The following BLTP3A variants were observed in gnomAD, a reference collection of about 807,000 sequenced individuals.
BLTP3A encodes bridge-like lipid transfer protein family member 3A.
chr6:34,830,438 A>T, the BLTP3A span, among the ~76,000 whole-genome samples: 2 of 152,024 alleles, frequency 1.3e-5, no homozygotes, highest in Admixed American at 6.6e-5. Context: ...AAAAATAAAA[A>T]AATTAGCTGG....
the BLTP3A span, chr6:34,855,549 A>C: frequency 6.3e-7 from 1 of 1,578,116 alleles, no homozygotes; most frequent in Non-Finnish European, 8.7e-7. Flanking sequence ...GGACTTCTGC[A>C]TGCTTTAGGT....
At chr6:34,818,930 CAT>C in the BLTP3A span, among the ~76,000 whole-genome samples, 3 of 152,156 alleles carry the variant, frequency 2.0e-5, no homozygotes, top group Admixed American at 2.0e-4. Context: ...AACACTAAAA[CAT>C]AGTTTAGTAA....
chr6:34,856,151 C>T, the BLTP3A span: 1 of 1,469,560 alleles, frequency 6.8e-7, no homozygotes, highest in African/African-American at 1.4e-5. Flanking sequence ...GAATCAGATT[C>T]TGAACTATGA....
At chr6:34,814,744 T>C in the BLTP3A span, among the ~76,000 whole-genome samples, 1 of 152,160 alleles carries the variant, frequency 6.6e-6, no homozygotes, top group Non-Finnish European at 1.5e-5. Context: ...TTTATTAATC[T>C]GGTTGAGTTG....
the BLTP3A span, among the ~76,000 whole-genome samples, chr6:34,795,008 C>T: frequency 2.0e-5 from 3 of 151,846 alleles, no homozygotes; most frequent in Admixed American, 6.6e-5. Context: ...AGGATGGTCT[C>T]GATCTCCTGA....
the BLTP3A span, among the ~76,000 whole-genome samples, chr6:34,854,554 CAT>C: frequency 6.6e-6 from 1 of 151,982 alleles, no homozygotes; most frequent in Non-Finnish European, 1.5e-5. Flanking sequence ...AGTATGTTAA[CAT>C]ATATATTTGT....
At chr6:34,805,096 C>G in the BLTP3A span, among the ~76,000 whole-genome samples, 3 of 151,870 alleles carry the variant, frequency 2.0e-5, no homozygotes, top group Non-Finnish European at 4.4e-5. Context: ...AAGTTCCAGA[C>G]CAGCCTGGGT....
the BLTP3A span, among the ~76,000 whole-genome samples, chr6:34,860,557 A>C: frequency 6.6e-6 from 1 of 152,208 alleles, no homozygotes; most frequent in Non-Finnish European, 1.5e-5. Context: ...TTGTATAATA[A>C]TACTAGCCAA....
the BLTP3A span, among the ~76,000 whole-genome samples, chr6:34,810,044 A>G: frequency 6.6e-6 from 1 of 152,202 alleles, no homozygotes; most frequent in Non-Finnish European, 1.5e-5. Context: ...TACTAAATCT[A>G]TGCATGCCAC....
At chr6:34,793,992 C>T in the BLTP3A span, among the ~76,000 whole-genome samples, 1 of 151,588 alleles carries the variant, frequency 6.6e-6, no homozygotes, top group African/African-American at 2.4e-5. Context: ...GAAACCCTGT[C>T]TCTACTAAAA....
the BLTP3A span, among the ~76,000 whole-genome samples, chr6:34,864,498 C>T: frequency 6.9e-6 from 1 of 145,036 alleles, no homozygotes; most frequent in South Asian, 2.2e-4. Flanking sequence ...TGGTTGGTAT[C>T]AGTGGTGTGA....
At chr6:34,858,004 A>C in the BLTP3A span, 1 of 1,560,588 alleles carries the variant, frequency 6.4e-7, no homozygotes, top group Non-Finnish European at 8.6e-7. Context: ...TGCTCTGTCC[A>C]TTTTGTGGAA....
chr6:34,812,926 A>G, the BLTP3A span, among the ~76,000 whole-genome samples: 1 of 152,340 alleles, frequency 6.6e-6, no homozygotes, highest in Middle Eastern at 3.4e-3. Flanking sequence ...GTGTTGTGTT[A>G]TATCTTTGTT....
the BLTP3A span, among the ~76,000 whole-genome samples, chr6:34,798,582 TTTTCTTTCTTTC>T: frequency 7.2e-6 from 1 of 139,220 alleles, no homozygotes; most frequent in Non-Finnish European, 1.6e-5. Context: ...GTATTTTTAA[TTTTCTTTCTTTC>T]TTTTTTTTTT....
the BLTP3A span, among the ~76,000 whole-genome samples, chr6:34,824,254 C>T: frequency 6.6e-6 from 1 of 152,018 alleles, no homozygotes; most frequent in African/African-American, 2.4e-5. Flanking sequence ...ATTAACAGGC[C>T]AGGCGCGGTG....
chr6:34,854,359 A>C, the BLTP3A span, among the ~76,000 whole-genome samples: 1 of 152,162 alleles, frequency 6.6e-6, no homozygotes, highest in Non-Finnish European at 1.5e-5. Flanking sequence ...AGACATTATA[A>C]TATATACATA....
At chr6:34,857,989 G>A in the BLTP3A span, 164 of 1,566,742 alleles carry the variant, frequency 1.0e-4, 1 homozygote, top group Non-Finnish European at 1.3e-4. Flanking sequence ...TATAATCCAT[G>A]GTTTTGCTCT....
At chr6:34,867,965 A>G in the BLTP3A span, among the ~76,000 whole-genome samples, 1 of 152,184 alleles carries the variant, frequency 6.6e-6, no homozygotes, top group African/African-American at 2.4e-5. Flanking sequence ...GTGAATTTTC[A>G]TTTATAAAAG....
the BLTP3A span, chr6:34,855,637 A>G: frequency 1.2e-6 from 2 of 1,613,754 alleles, no homozygotes; most frequent in Non-Finnish European, 1.7e-6. Flanking sequence ...CAACAGACTC[A>G]TGGGTGGTGC....
Sources: gnomAD v4.1 joint callset for allele counts (sites outside exome capture counted in the v4.1 genomes callset) on GRCh38, gnomAD v4.1.1 for gene constraint, MANE v1.5 for transcripts, NCBI Gene and HGNC (gene_info 2026-07-23, HGNC 2026-07-21) for gene names.